TMEM150C: variants seen among roughly 807,000 people sequenced by gnomAD.
TMEM150C encodes the protein tentonin 3.
Under a neutral mutation model 29.9 loss-of-function variants are expected in TMEM150C, and 10 were observed. That is an observed-to-expected ratio of 0.33 (90% CI 0.21 to 0.57). TMEM150C has a LOEUF of 0.57. Ranked by LOEUF, TMEM150C falls within the 20% of genes least tolerant of loss-of-function variation. TMEM150C has a pLI of 0.88. For missense variants in TMEM150C, 251 were observed against 303.6 expected (o/e 0.83, Z 1.29); for synonymous variants, 101 against 112.5 (o/e 0.90, Z 0.64).
intron 1 of TMEM150C, among the ~76,000 whole-genome samples, chr4:82,536,174 A>G (rs1724997151): frequency 6.6e-6 from 1 of 152,092 alleles, no homozygotes; most frequent in African/African-American, 2.4e-5. Context: ...TCTGGCCAAC[A>G]TGGTGATACC....
At chr4:82,496,258 G>C (rs892413393) in intron 5 of TMEM150C, 63 bp from the exon 6 acceptor site, 54 of 1,446,600 alleles carry the variant, frequency 3.7e-5, no homozygotes, top group Non-Finnish European at 4.9e-5. Context: ...CTGTGAGGCA[G>C]AATTCTATTA....
At chr4:82,546,945 A>G (rs1225581553) in intron 1 of TMEM150C, among the ~76,000 whole-genome samples, 1 of 152,184 alleles carries the variant, frequency 6.6e-6, no homozygotes, top group Non-Finnish European at 1.5e-5. Flanking sequence ...TAAGAATCCT[A>G]GAAGAAAACC....
At chr4:82,492,894 A>ATATATATATATATATG (rs1723415989) in intron 6 of TMEM150C, among the ~76,000 whole-genome samples, 1 of 138,016 alleles carries the variant, frequency 7.2e-6, no homozygotes, top group Non-Finnish European at 1.6e-5. Context: ...ATATATATAT[A>ATATATATATATATATG]TATATGTATT....
intron 1 of TMEM150C, among the ~76,000 whole-genome samples, chr4:82,554,469 C>G (rs762754129): frequency 1.3e-5 from 2 of 152,136 alleles, no homozygotes; most frequent in African/African-American, 4.8e-5. Flanking sequence ...TTTTATCAAC[C>G]AGCACAGTTT....
chr4:82,560,979 T>C (rs1194243463), intron 1 of TMEM150C, among the ~76,000 whole-genome samples: 1 of 152,230 alleles, frequency 6.6e-6, no homozygotes, highest in Non-Finnish European at 1.5e-5. Flanking sequence ...TGTTCCCACA[T>C]GCGGTCACAA....
chr4:82,496,214 C>G lies in TMEM150C; in HGVS notation c.236-19G>C, dbSNP rs755541644. On this transcript the variant is annotated intron_variant, in intron 5 of 7. Transcript: ENST00000449862. ...ACAAGGGCTAGGAATAAAGCAAAGT[C>G]TTAAAATGGAAGAAATTAAATCACA... 47 of 1,609,266 alleles carry G rather than the reference C, an allele frequency of 2.9e-5. No homozygotes were observed.
At chr4:82,494,064 TC>T (rs1020109690) in intron 6 of TMEM150C, among the ~76,000 whole-genome samples, 2 of 152,230 alleles carry the variant, frequency 1.3e-5, no homozygotes, top group Non-Finnish European at 2.9e-5. Context: ...ACTACTATTT[TC>T]ATTAGGAACA....
intron 1 of TMEM150C, among the ~76,000 whole-genome samples, chr4:82,553,744 G>C (rs1315470982): frequency 2.0e-5 from 3 of 152,198 alleles, no homozygotes; most frequent in African/African-American, 7.2e-5. Context: ...TTATGATTCT[G>C]TAAGTGAACA....
At chr4:82,491,437 T>G (rs1212797295) in intron 6 of TMEM150C, 1 of 680,438 alleles carries the variant, frequency 1.5e-6, no homozygotes, top group East Asian at 2.6e-5. Flanking sequence ...AGGATGGCTG[T>G]CTGCCACTGC....
At chr4:82,533,898 GT>G (rs1724927720) in intron 1 of TMEM150C, among the ~76,000 whole-genome samples, 2 of 152,176 alleles carry the variant, frequency 1.3e-5, no homozygotes, top group South Asian at 4.1e-4. Flanking sequence ...AATCTGGTTT[GT>G]TTTAGAAGAG....
intron 1 of TMEM150C, among the ~76,000 whole-genome samples, chr4:82,516,315 G>A (rs1724294947): frequency 6.6e-6 from 1 of 152,206 alleles, no homozygotes; most frequent in South Asian, 2.1e-4. Context: ...ATACCAGGGT[G>A]ATAGTCAAAA....
At chr4:82,523,486 T>C (rs1210690763) in intron 1 of TMEM150C, among the ~76,000 whole-genome samples, 1 of 152,070 alleles carries the variant, frequency 6.6e-6, no homozygotes, top group Non-Finnish European at 1.5e-5. Flanking sequence ...GCCAGGAACA[T>C]GTGAGGCAAG....
chr4:82,505,911 A>C (rs1381238435), intron 1 of TMEM150C, among the ~76,000 whole-genome samples: 1 of 152,178 alleles, frequency 6.6e-6, no homozygotes, highest in African/African-American at 2.4e-5. Flanking sequence ...TCTATCGGAG[A>C]CACTGGATGC....
intron 7 of TMEM150C, among the ~76,000 whole-genome samples, chr4:82,489,412 C>A (rs190789299): frequency 6.7e-6 from 1 of 149,816 alleles, no homozygotes; most frequent in African/African-American, 2.5e-5. Flanking sequence ...AGAGAGGAGA[C>A]CTGCAGCATT....
intron 6 of TMEM150C, among the ~76,000 whole-genome samples, chr4:82,492,810 A>C (rs1407044501): frequency 2.8e-5 from 3 of 106,018 alleles, no homozygotes; most frequent in Non-Finnish European, 5.6e-5. Context: ...AAAAAAAAAA[A>C]CAACAAAGTC....
chr4:82,516,776 G>A (rs978494490), intron 1 of TMEM150C, among the ~76,000 whole-genome samples: 14 of 152,212 alleles, frequency 9.2e-5, no homozygotes, highest in South Asian at 2.1e-4. Context: ...TCCTCTTGGT[G>A]AAGCAAAAGG....
intron 5 of TMEM150C, among the ~76,000 whole-genome samples, chr4:82,496,960 C>T (rs1465821344): frequency 2.0e-5 from 3 of 152,134 alleles, no homozygotes; most frequent in Non-Finnish European, 2.9e-5. Context: ...TACTAAAAAT[C>T]GTACCTAGTA....
intron 1 of TMEM150C, among the ~76,000 whole-genome samples, chr4:82,508,299 AG>A (rs1268193026): frequency 1.3e-5 from 2 of 151,984 alleles, no homozygotes; most frequent in African/African-American, 2.4e-5. Context: ...CTCCTAAAAT[AG>A]TTTTGTCTTT....
At chr4:82,496,766 G>T (rs1723571292) in intron 5 of TMEM150C, among the ~76,000 whole-genome samples, 1 of 152,132 alleles carries the variant, frequency 6.6e-6, no homozygotes, top group Non-Finnish European at 1.5e-5. Context: ...ACCATTCCTG[G>T]GAAGAAAGAT....
Sources: gnomAD v4.1 joint callset for allele counts (sites outside exome capture counted in the v4.1 genomes callset) on GRCh38, gnomAD v4.1.1 for gene constraint, MANE v1.5 for transcripts, NCBI Gene and HGNC (gene_info 2026-07-23, HGNC 2026-07-21) for gene names.